Variants in NCALD observed in about 807,000 individuals in gnomAD.
The protein encoded by NCALD is neurocalcin delta, also known as neurocalcin-delta.
In NCALD, 10 loss-of-function variants were observed where a neutral mutation model predicts 18.6. The observed-to-expected ratio is 0.54, with a 90% confidence interval of 0.33 to 0.91. The LOEUF is 0.91. NCALD is among the 40% of genes least tolerant of loss of function. NCALD has a pLI of 0.03. For synonymous variants in NCALD, 88 were observed against 87.4 expected, an observed-to-expected ratio of 1.01 and a Z score of -0.04; for missense variants, 184 against 247.6, an observed-to-expected ratio of 0.74 and a Z score of 1.72.
At chr8:102,105,450 C>G (rs1024295508) in intron 1 of NCALD, among the ~76,000 whole-genome samples, 3 of 152,184 alleles carry the variant, frequency 2.0e-5, no homozygotes, top group African/African-American at 7.2e-5. Flanking sequence ...CGGGCTCCAA[C>G]AGCTTGTGTT....
chr8:102,043,073 C>T lies in NCALD; in HGVS notation c.-209-22784G>A, dbSNP rs147521121. On this transcript the variant is annotated intron_variant, in intron 1 of 6. Transcript: ENST00000311028. ...AGAACAGCTGAGATTTATCTTCAATCTGCTCTGTCGATGCATTAAGACCAA... is the reference window on the plus strand; with the variant it reads ...AGAACAGCTGAGATTTATCTTCAATTTGCTCTGTCGATGCATTAAGACCAA... Among the ~76,000 whole-genome samples, 608 of 152,046 alleles carry T rather than the reference C, an allele frequency of 4.0e-3. 4 individuals are homozygous for T. Among genetic ancestry groups the T allele is most frequent in the Admixed American group, 7.5e-3 (115 of 15,296 alleles).
intron 4 of NCALD, among the ~76,000 whole-genome samples, chr8:101,868,407 T>C (rs986985776): frequency 1.3e-5 from 2 of 152,098 alleles, no homozygotes; most frequent in African/African-American, 4.8e-5. Flanking sequence ...GCAGGACACC[T>C]AAGGCTGATT....
chr8:101,735,277 C>G (rs1405135528), intron 1 of NCALD, among the ~76,000 whole-genome samples: 1 of 152,126 alleles, frequency 6.6e-6, no homozygotes, highest in Non-Finnish European at 1.5e-5. Flanking sequence ...TATAAGCAAC[C>G]AGTCCTCTGG....
intron 4 of NCALD, among the ~76,000 whole-genome samples, chr8:101,858,823 T>C (rs1815425206): frequency 6.6e-6 from 1 of 151,986 alleles, no homozygotes; most frequent in African/African-American, 2.4e-5. Context: ...TGCACTTAAT[T>C]ATGAATGGAA....
intron 1 of NCALD, among the ~76,000 whole-genome samples, chr8:101,770,148 G>A (rs1463738767): frequency 6.6e-6 from 1 of 152,196 alleles, no homozygotes; most frequent in Non-Finnish European, 1.5e-5. Flanking sequence ...ATTTCAGGAA[G>A]AGAGCTTTGA....
intron 1 of NCALD, among the ~76,000 whole-genome samples, chr8:102,080,977 A>C (rs1178444299): frequency 6.6e-6 from 1 of 152,184 alleles, no homozygotes; most frequent in Non-Finnish European, 1.5e-5. Context: ...TTTTTCCCCC[A>C]AAGTGTGGTG....
At chr8:101,966,790 C>G (rs966345736) in intron 2 of NCALD, among the ~76,000 whole-genome samples, 4 of 152,012 alleles carry the variant, frequency 2.6e-5, no homozygotes, top group African/African-American at 9.7e-5. Flanking sequence ...CACAGAGATT[C>G]AGGTGCAAGG....
intron 4 of NCALD, chr8:101,872,473 A>T: frequency 1.1e-6 from 1 of 880,458 alleles, no homozygotes; most frequent in Non-Finnish European, 1.9e-6. Context: ...TGATTCTTTT[A>T]TACTTTCCTT....
intron 1 of NCALD, among the ~76,000 whole-genome samples, chr8:102,078,913 G>A (rs975720114): frequency 3.3e-5 from 5 of 152,224 alleles, no homozygotes; most frequent in African/African-American, 9.7e-5. Flanking sequence ...CTGGAGCACT[G>A]TAGGCGCTTA....
Position 101,714,734 on chromosome 8 carries a change from C to T in NCALD, c.378+4518G>A, listed in dbSNP as rs1163622214. 1.2e-4 allele frequency among the ~76,000 whole-genome samples: 17 copies of T among 145,760 alleles called. 1 individual carries two copies. Among genetic ancestry groups the T allele is most frequent in the Admixed American group, 6.6e-4 (10 of 15,058 alleles). ...GCTGGGGGCCGGGCACGGTGGCTCA[C>T]GCCTGTAATCCCAGCACTTTGGGAG... On this transcript the variant is annotated intron_variant, in intron 2 of 3. Transcript: ENST00000220931.
intron 1 of NCALD, among the ~76,000 whole-genome samples, chr8:101,751,951 T>C (rs1369931649): frequency 1.3e-5 from 2 of 152,202 alleles, no homozygotes; most frequent in Non-Finnish European, 2.9e-5. Flanking sequence ...TTATCAGGCA[T>C]TTCCAGAAAA....
intron 1 of NCALD, among the ~76,000 whole-genome samples, chr8:102,028,028 C>T (rs6468809): frequency 6.6e-6 from 1 of 152,036 alleles, no homozygotes; most frequent in Non-Finnish European, 1.5e-5. Flanking sequence ...GGATCCCAAA[C>T]AAGTTTGAGG....
chr8:101,910,059 A>C (rs181946825), intron 3 of NCALD, among the ~76,000 whole-genome samples: 1 of 152,096 alleles, frequency 6.6e-6, no homozygotes, highest in Non-Finnish European at 1.5e-5. Flanking sequence ...TTAGAACATG[A>C]TTGCCCTAGG....
chr8:101,987,700 A>G (rs764013181), intron 2 of NCALD, among the ~76,000 whole-genome samples: 21 of 152,190 alleles, frequency 1.4e-4, no homozygotes, highest in Non-Finnish European at 2.8e-4. Context: ...TGGATATTCC[A>G]GAGTCCAAGA....
chr8:101,812,869 G>A (rs985672386), intron 4 of NCALD, among the ~76,000 whole-genome samples: 9 of 152,110 alleles, frequency 5.9e-5, no homozygotes, highest in African/African-American at 2.2e-4. Context: ...CAGTTTGAGT[G>A]GGTGTTCTAT....
At chr8:101,887,647 TTAAA>T (rs1220883832) in intron 3 of NCALD, among the ~76,000 whole-genome samples, 2 of 150,160 alleles carry the variant, frequency 1.3e-5, no homozygotes, top group Admixed American at 6.7e-5. Flanking sequence ...AATACATTAT[TTAAA>T]TATATATCAA....
At position 101,687,521 on chromosome 8, in the gene NCALD, A is replaced by C. The variant is rs1314270916; in HGVS notation, c.*1788T>G. ...CTATGGATTTGGTTCTTTTTGGTCT[A>C]CCATACAAATTTGGATTTCTGCTGC... On this transcript the variant is annotated 3_prime_UTR_variant, in exon 4 of 4. Coordinates refer to ENST00000220931, the MANE Select transcript of NCALD (RefSeq NM_032041.3). 4.6e-5 allele frequency: 7 copies of C among 152,612 alleles called. No individual in the cohort carries two copies. The highest frequency in any genetic ancestry group is 4.6e-4 in the Admixed American group (7 of 15,286). 9.5% of individuals were successfully genotyped at this position (152,612 alleles called of 1,614,324 possible).
At chr8:101,932,507 T>C (rs533730456) in intron 2 of NCALD, among the ~76,000 whole-genome samples, 1 of 152,358 alleles carries the variant, frequency 6.6e-6, no homozygotes, top group South Asian at 2.1e-4. Context: ...GTGTCTTTTA[T>C]ATGGCCAAGG....
chr8:101,727,432 C>G (rs1285461306), intron 1 of NCALD, among the ~76,000 whole-genome samples: 1 of 152,190 alleles, frequency 6.6e-6, no homozygotes, highest in Non-Finnish European at 1.5e-5. Context: ...ATTCTCTACT[C>G]AGCCTCCAAG....
Sources: gnomAD v4.1 joint callset for allele counts (sites outside exome capture counted in the v4.1 genomes callset) on GRCh38, gnomAD v4.1.1 for gene constraint, MANE v1.5 for transcripts, NCBI Gene and HGNC (gene_info 2026-07-23, HGNC 2026-07-21) for gene names.